FTO: variants seen among roughly 807,000 people sequenced by gnomAD.
The protein encoded by FTO is alpha-ketoglutarate-dependent dioxygenase FTO.
Under a neutral mutation model 63.9 loss-of-function variants are expected in FTO, and 47 were observed. The ratio of observed to expected loss-of-function variants is 0.74; its 90% CI spans 0.58 to 0.94. The LOEUF is 0.94. FTO is among the 40% of genes least tolerant of loss of function. The pLI, the probability that FTO is intolerant of heterozygous loss-of-function variation, is 0.00. For synonymous variants in FTO, 207 were observed against 224.4 expected (o/e 0.92, Z 0.69); for missense variants, 562 against 618.1 (o/e 0.91, Z 0.96).
intron 7 of FTO, among the ~76,000 whole-genome samples, chr16:53,930,726 C>T (rs2082261520): frequency 6.6e-6 from 1 of 152,004 alleles, no homozygotes; most frequent in Non-Finnish European, 1.5e-5. Context: ...TGAGGATGTG[C>T]TAGAATAACT....
intron 8 of FTO, among the ~76,000 whole-genome samples, chr16:53,946,412 C>T (rs1032735057): frequency 2.0e-5 from 3 of 152,108 alleles, no homozygotes; most frequent in Non-Finnish European, 4.4e-5. Context: ...ATAGGGTGCT[C>T]AGGACGTTAC....
intron 4 of FTO, among the ~76,000 whole-genome samples, chr16:53,868,769 A>G (rs1598867757): frequency 6.6e-6 from 1 of 152,090 alleles, no homozygotes; most frequent in Admixed American, 6.5e-5. Flanking sequence ...ATACAAGTCT[A>G]CTAGCAACAA....
rs147734612 is a variant in FTO, at chr16:53,795,617, A to G, written c.46-14523A>G. Among the ~76,000 whole-genome samples, 358 of 152,306 alleles carry G rather than the reference A, an allele frequency of 2.4e-3. 2 individuals are homozygous for G. The highest frequency in any genetic ancestry group is 7.7e-3 in the African/African-American group (320 of 41,560). ...AGCCTCTATACCTGGCCAAGAAGCA[A>G]AATGTAAAGAGCCAAGAATTGAGAA... On this transcript the variant is annotated intron_variant, in intron 1 of 8. Coordinates refer to ENST00000471389, the MANE Select transcript of FTO (RefSeq NM_001080432.3).
chr16:54,069,270 T>C (rs1277108451), intron 8 of FTO, among the ~76,000 whole-genome samples: 5 of 152,180 alleles, frequency 3.3e-5, no homozygotes, highest in Admixed American at 6.5e-5. Context: ...TGGGGCCGTC[T>C]GCACCACCTG....
At chr16:53,820,573 C>A (rs2078832587) in intron 2 of FTO, among the ~76,000 whole-genome samples, 4 of 151,698 alleles carry the variant, frequency 2.6e-5, no homozygotes, top group Admixed American at 6.6e-5. Context: ...TGGTGCGCTG[C>A]ACCCACTAAC....
chr16:53,917,989 G>A (rs1301717257), intron 7 of FTO, among the ~76,000 whole-genome samples: 3 of 152,184 alleles, frequency 2.0e-5, no homozygotes, highest in Non-Finnish European at 2.9e-5. Flanking sequence ...AGCTTAGTGA[G>A]ACATAGCTTT....
In FTO at chr16:54,104,000, A is replaced by G. The variant is rs115198435; in HGVS notation, c.1365-7762A>G. Among the ~76,000 whole-genome samples the G allele has an allele frequency of 9.4e-3, 1,425 of 152,262 alleles. 27 individuals carry two copies. The highest frequency in any genetic ancestry group is 0.033 in the African/African-American group (1,356 of 41,540). On this transcript the variant is annotated intron_variant, in intron 8 of 8. Transcript: ENST00000471389. ...AGAATTATACATGGAAATCCCTTCA[A>G]TTTGTACATCAGGTACTGGCAGGGA...
At chr16:53,734,846 G>A (rs939227650) in intron 1 of FTO, among the ~76,000 whole-genome samples, 4 of 152,182 alleles carry the variant, frequency 2.6e-5, no homozygotes, top group African/African-American at 9.7e-5. Context: ...GAAGATAAAA[G>A]AGAGTTTTTA....
chr16:54,052,396 A>G (rs2085332813), intron 8 of FTO, among the ~76,000 whole-genome samples: 1 of 152,160 alleles, frequency 6.6e-6, no homozygotes, highest in African/African-American at 2.4e-5. Flanking sequence ...AAAAATTGAT[A>G]TGTGATGAAA....
chr16:53,731,775 T>G (rs1306595716), intron 1 of FTO, among the ~76,000 whole-genome samples: 4 of 139,852 alleles, frequency 2.9e-5, no homozygotes, highest in South Asian at 2.3e-4. Flanking sequence ...TGAGACGGAG[T>G]CTCCCTCTTT....
rs575199659 is a variant in FTO, at chr16:53,931,296, G to T, written c.1240-2689G>T. ...CCACAGATATAACCACAAACTATGT[G>T]ACTTTTTTTTTTTTTTTTTTTTTTT... is the stretch of plus-strand genomic sequence containing the variant. On this transcript the variant is annotated intron_variant, in intron 7 of 8. Coordinates refer to ENST00000471389, the MANE Select transcript of FTO (RefSeq NM_001080432.3). Among the ~76,000 whole-genome samples, 774 of 133,596 alleles carry T rather than the reference G, an allele frequency of 5.8e-3. 7 individuals carry two copies. Among genetic ancestry groups the T allele is most frequent in the African/African-American group, 0.021 (731 of 34,636 alleles). 87.6% of individuals were successfully genotyped at this position (133,596 alleles called of 152,430 possible). A position where few individuals can be genotyped will look rare whatever the true frequency, so the allele number is the denominator to read the frequency against.
intron 7 of FTO, among the ~76,000 whole-genome samples, chr16:53,909,404 A>C (rs1194329597): frequency 6.6e-6 from 1 of 152,150 alleles, no homozygotes; most frequent in Non-Finnish European, 1.5e-5. Context: ...CAGAGAACAG[A>C]AGTCAGATTC....
Position 54,111,812 on chromosome 16 carries a change from G to A in FTO, c.1415G>A (p.Cys472Tyr), listed in dbSNP as rs1291247246. Residue 472 changes from cysteine to tyrosine, a missense_variant, in exon 9 of 9, where the codon TGT becomes TAT. Transcript: ENST00000471389. ...TTACCTGCTGATCAGAAGCCAGAAT[G>A]TCGGCCATACTGGGAAAAGGATGAT... ...RTLPADQKPE[C>Y]RPYWEKDDAS... 5 of 1,614,020 alleles carry A rather than the reference G, an allele frequency of 3.1e-6. No individual in the cohort carries two copies. The highest frequency in any genetic ancestry group is 4.2e-6 in the Non-Finnish European group (5 of 1,180,038).
At chr16:54,065,401 C>T (rs375784590) in intron 8 of FTO, among the ~76,000 whole-genome samples, 16 of 152,132 alleles carry the variant, frequency 1.1e-4, no homozygotes, top group East Asian at 5.8e-4. Flanking sequence ...TGGACTCAAG[C>T]GTTCCACTCA....
At chr16:54,004,983 T>C (rs2084162254) in intron 8 of FTO, among the ~76,000 whole-genome samples, 1 of 147,330 alleles carries the variant, frequency 6.8e-6, no homozygotes, top group Admixed American at 7.0e-5. Context: ...GGCAGGAGAA[T>C]GGTGTGAACC....
At chr16:53,996,010 G>A (rs1292791035) in intron 8 of FTO, among the ~76,000 whole-genome samples, 3 of 152,214 alleles carry the variant, frequency 2.0e-5, no homozygotes, top group Non-Finnish European at 2.9e-5. Flanking sequence ...TGCCCTTTCA[G>A]AGGCTTCCTG....
intron 8 of FTO, among the ~76,000 whole-genome samples, chr16:54,000,557 A>T (rs1363939933): frequency 6.6e-6 from 1 of 152,202 alleles, no homozygotes; most frequent in Admixed American, 6.5e-5. Flanking sequence ...CAACAAAGAG[A>T]GTAACTCTGT....
chr16:53,912,538 C>A (rs1220712892), intron 7 of FTO, among the ~76,000 whole-genome samples: 2 of 151,896 alleles, frequency 1.3e-5, no homozygotes, highest in African/African-American at 2.4e-5. Flanking sequence ...TGGGGAAATT[C>A]TTTCTTGTTT....
At chr16:54,008,794 C>T (rs2084268493) in intron 8 of FTO, among the ~76,000 whole-genome samples, 2 of 147,928 alleles carry the variant, frequency 1.4e-5, no homozygotes, top group African/African-American at 2.5e-5. Flanking sequence ...CAAGTGAGAC[C>T]CTGTCTCCAC....
Sources: allele counts gnomAD v4.1 joint callset (sites outside exome capture counted in the v4.1 genomes callset), GRCh38; gene constraint gnomAD v4.1.1; transcripts MANE v1.5; gene names NCBI Gene and HGNC (gene_info 2026-07-23, HGNC 2026-07-21).